Variants in GAD2 observed in about 807,000 individuals in gnomAD.
The protein encoded by GAD2 is glutamate decarboxylase 2, also known as 65 kDa glutamic acid decarboxylase.
A neutral mutation model predicts 80.1 loss-of-function variants in GAD2; 22 were observed. That is an observed-to-expected ratio of 0.27 (90% CI 0.20 to 0.39). The LOEUF is 0.39. GAD2 is among the 10% of genes least tolerant of loss of function. The pLI, the probability that GAD2 is intolerant of heterozygous loss-of-function variation, is 1.00. For synonymous variants in GAD2, 274 were observed against 256.9 expected (o/e 1.07, Z -0.64); for missense variants, 624 against 738.4 (o/e 0.85, Z 1.80).
At chr10:26,248,506 C>G (rs146611687) in intron 8 of GAD2, among the ~76,000 whole-genome samples, 12 of 152,242 alleles carry the variant, frequency 7.9e-5, no homozygotes, top group Non-Finnish European at 1.6e-4. Flanking sequence ...AAAAACAGCC[C>G]AAGGATGTAT....
chr10:26,276,350 ACT>A (rs1407778344), intron 11 of GAD2, among the ~76,000 whole-genome samples: 3 of 151,146 alleles, frequency 2.0e-5, no homozygotes, highest in Non-Finnish European at 3.0e-5. Flanking sequence ...CCAGAGCATG[ACT>A]CTGTGCATTG....
chr10:26,296,261 T>C (rs796371933), intron 15 of GAD2, among the ~76,000 whole-genome samples: 13 of 152,256 alleles, frequency 8.5e-5, no homozygotes, highest in African/African-American at 2.9e-4. Context: ...GGGGTTAAGA[T>C]TTCAACATAT....
chr10:26,293,042 G>A (rs768738037), intron 15 of GAD2, 51 bp downstream of exon 15: 4 of 1,416,060 alleles, frequency 2.8e-6, no homozygotes, highest in Non-Finnish European at 4.0e-6. Context: ...CCTTTCATGT[G>A]CACATCTTCT....
At chr10:26,269,420 C>T (rs1384054330) in intron 9 of GAD2, among the ~76,000 whole-genome samples, 1 of 152,230 alleles carries the variant, frequency 6.6e-6, no homozygotes, top group African/African-American at 2.4e-5. Flanking sequence ...AAGCATTTGT[C>T]TTCCTAGGTA....
intron 4 of GAD2, among the ~76,000 whole-genome samples, chr10:26,220,539 T>C (rs1844439436): frequency 6.6e-6 from 1 of 152,174 alleles, no homozygotes; most frequent in South Asian, 2.1e-4. Context: ...GAAGGTGTAT[T>C]AGACATCATC....
At position 26,286,455 on chromosome 10, in the gene GAD2, C is replaced by T. The variant is rs1454799424; in HGVS notation, c.1347C>T (p.His449=). The T allele has an allele frequency of 9.3e-6, 15 of 1,613,530 alleles. No individual in the cohort carries two copies. The African/African-American group carries it at 1.2e-4, about 13-fold the overall frequency. The change falls in exon 13 of 16, where the codon CAC becomes CAT. Residue 449 remains histidine, a synonymous_variant. Transcript: ENST00000376261. ...ACAAGGCCTTACAGTGCGGACGCCA[C>T]GTTGATGTTTTTAAACTATGGCTGA... ...TGDKALQCGR[H]VDVFKLWLMW...
At position 26,299,286 on chromosome 10, in the gene GAD2, A is replaced by AT. The variant is rs1327455864; in HGVS notation, c.1585-1501dup. Among the ~76,000 whole-genome samples, 32 of 152,236 alleles carry AT rather than the reference A, an allele frequency of 2.1e-4. 1 individual carries two copies. Among genetic ancestry groups the AT allele is most frequent in the African/African-American group, 7.7e-4 (32 of 41,462 alleles). ...GTTGATATTTATAAGTCACATGTTCATAACAGCATTCCATTTGAATTGAAC... is the reference window on the plus strand; with the variant it reads ...GTTGATATTTATAAGTCACATGTTCATTAACAGCATTCCATTTGAATTGAAC... On this transcript the variant is annotated intron_variant, in intron 15 of 15. Coordinates refer to ENST00000376261, the MANE Select transcript of GAD2 (RefSeq NM_001134366.2).
intron 11 of GAD2, among the ~76,000 whole-genome samples, chr10:26,277,897 C>T (rs368105809): frequency 1.4e-4 from 21 of 152,012 alleles, no homozygotes; most frequent in African/African-American, 5.1e-4. Context: ...TTAAAATAGC[C>T]CTGCGGGATT....
chr10:26,235,192 C>G (rs1369352983), intron 7 of GAD2, among the ~76,000 whole-genome samples: 1 of 152,096 alleles, frequency 6.6e-6, no homozygotes, highest in Non-Finnish European at 1.5e-5. Flanking sequence ...TATTCTTGTG[C>G]TAATTTCCTG....
In GAD2 at chr10:26,218,101, AGCGGAG is replaced by A. The variant is rs1385182349; in HGVS notation, c.286+115_286+120del. ...AGCCGGACAGGGGCGTCGAGGTGGC[AGCGGAG>A]GCGGGACCTGCCAGAATCTTCAGAT... On this transcript the variant is annotated intron_variant, in intron 3 of 15. Coordinates refer to ENST00000376261, the MANE Select transcript of GAD2 (RefSeq NM_001134366.2). The A allele has an allele frequency of 2.3e-5, 27 of 1,194,966 alleles. No individual in the cohort carries two copies. In the Admixed American group the frequency reaches 3.5e-4, roughly 15 times the overall value. 74.0% of individuals were successfully genotyped at this position (1,194,966 alleles called of 1,614,324 possible).
chr10:26,252,461 G>A (rs1564663211), intron 8 of GAD2, among the ~76,000 whole-genome samples: 1 of 151,966 alleles, frequency 6.6e-6, no homozygotes, highest in Non-Finnish European at 1.5e-5. Flanking sequence ...TCCTGCCTCA[G>A]CCTCCCAAGT....
At chr10:26,289,464 A>G (rs1834189286) in intron 13 of GAD2, among the ~76,000 whole-genome samples, 1 of 152,144 alleles carries the variant, frequency 6.6e-6, no homozygotes, top group South Asian at 2.1e-4. Flanking sequence ...CTAATGACTA[A>G]TGGAGCTAAA....
At chr10:26,280,985 G>A (rs746139998) in intron 11 of GAD2, 24 bp from the exon 12 acceptor site, 7 of 1,598,822 alleles carry the variant, frequency 4.4e-6, no homozygotes, top group Admixed American at 1.7e-5. Flanking sequence ...AGTGCCACCC[G>A]CTTATGTGAT....
intron 7 of GAD2, among the ~76,000 whole-genome samples, chr10:26,241,471 T>A (rs1444236267): frequency 6.6e-6 from 1 of 151,974 alleles, no homozygotes; most frequent in Non-Finnish European, 1.5e-5. Context: ...GAGCAGCCTA[T>A]CCCCTGATCC....
At chr10:26,289,225 CA>C (rs1192349376) in intron 13 of GAD2, among the ~76,000 whole-genome samples, 1 of 152,018 alleles carries the variant, frequency 6.6e-6, no homozygotes, top group Admixed American at 6.6e-5. Context: ...CCTCTTCCCG[CA>C]AGAAGAGCCA....
At chr10:26,216,746 C>A (rs999991153), upstream of GAD2, 11 of 1,486,906 alleles carry the variant, frequency 7.4e-6, no homozygotes, top group Non-Finnish European at 1.0e-5. This position sits in a 1 kb window ranked among gnomAD's most constrained non-coding sequence, Gnocchi z 4.7. Flanking sequence ...CGCGCAGGGC[C>A]AAGCCCGAGG....
At chr10:26,281,190 T>C in intron 12 of GAD2, 103 bp downstream of exon 12, 1 of 827,484 alleles carries the variant, frequency 1.2e-6, no homozygotes. Context: ...GTCTTCTCTA[T>C]GGTCCTACTC....
At chr10:26,218,265 A>G in intron 3 of GAD2, 1 of 370,692 alleles carries the variant, frequency 2.7e-6, no homozygotes, top group Non-Finnish European at 4.8e-6. Flanking sequence ...CCGACGATCC[A>G]GGCGCTCGTG....
rs900983729 is a variant in GAD2 at position 26,301,715 on chromosome 10, C to G, written c.*754C>G. The G allele has an allele frequency of 6.6e-6, 1 of 152,116 alleles. No individual in the cohort carries two copies. The highest frequency in any genetic ancestry group is 1.5e-5 in the Non-Finnish European group (1 of 68,012). The allele number at this position is 152,116 out of a possible 1,614,324, so 9.4% of individuals were successfully genotyped here. ...CATCTCTAAAGTTAGTATTTCAAGA[C>G]AAACACAAAAGAATACTGCGAGTTC... is the stretch of plus-strand genomic sequence containing the variant. On this transcript the variant is annotated 3_prime_UTR_variant, in exon 16 of 16. Transcript: ENST00000376261.
Sources: allele counts gnomAD v4.1 joint callset (sites outside exome capture counted in the v4.1 genomes callset), GRCh38; gene constraint gnomAD v4.1.1; non-coding constraint Gnocchi (gnomAD v3.1); transcripts MANE v1.5; gene names NCBI Gene and HGNC (gene_info 2026-07-23, HGNC 2026-07-21).